NREP: variants seen among roughly 807,000 people sequenced by gnomAD.
NREP encodes the protein neuronal regeneration-related protein.
A neutral mutation model predicts 8.6 loss-of-function variants in NREP; 5 were observed. That is an observed-to-expected ratio of 0.58 (90% CI 0.30 to 1.22). The LOEUF is 1.22. NREP is among the 50% of genes most tolerant of loss of function. The pLI, the probability that NREP is intolerant of heterozygous loss-of-function variation, is 0.07. For missense variants in NREP, 86 were observed against 82.5 expected, an observed-to-expected ratio of 1.04 and a Z score of -0.17; for synonymous variants, 27 against 28.0, an observed-to-expected ratio of 0.96 and a Z score of 0.11.
At chr5:111,745,671 A>C (rs1056936408) in intron 2 of NREP, among the ~76,000 whole-genome samples, 1 of 152,200 alleles carries the variant, frequency 6.6e-6, no homozygotes. Context: ...ATTTAAAAAC[A>C]AACTGCTTAG....
At chr5:111,903,285 G>A (rs1017580586) in intron 2 of NREP, among the ~76,000 whole-genome samples, 5 of 151,552 alleles carry the variant, frequency 3.3e-5, no homozygotes, top group Non-Finnish European at 7.4e-5. Flanking sequence ...GGGTTTCACC[G>A]TATTGGTCAG....
intron 2 of NREP, among the ~76,000 whole-genome samples, chr5:111,896,707 A>G (rs1325028344): frequency 1.3e-5 from 2 of 152,166 alleles, no homozygotes; most frequent in Admixed American, 1.3e-4. Flanking sequence ...TTTACTCTCA[A>G]TTAACAATTA....
intron 2 of NREP, among the ~76,000 whole-genome samples, chr5:111,935,995 T>C (rs560157632): frequency 6.6e-6 from 1 of 152,202 alleles, no homozygotes; most frequent in South Asian, 2.1e-4. Flanking sequence ...TCTTCCTAGC[T>C]TCTTATGGTT....
At chr5:111,797,458 C>T (rs562765602) in intron 2 of NREP, among the ~76,000 whole-genome samples, 7 of 152,260 alleles carry the variant, frequency 4.6e-5, no homozygotes, top group African/African-American at 1.7e-4. Flanking sequence ...AGAGCACAGA[C>T]CTTACAAGTA....
chr5:111,827,584 T>C (rs1752658411), intron 2 of NREP, among the ~76,000 whole-genome samples: 1 of 152,060 alleles, frequency 6.6e-6, no homozygotes, highest in Non-Finnish European at 1.5e-5. Context: ...GGTGTGGGGG[T>C]TCACACCTGC....
chr5:111,880,883 T>A (rs562908636), intron 2 of NREP, among the ~76,000 whole-genome samples: 1 of 152,038 alleles, frequency 6.6e-6, no homozygotes, highest in East Asian at 1.9e-4. Flanking sequence ...GTTCTACAGC[T>A]CCCAGCGTGA....
At chr5:111,792,537 A>C (rs2112894693) in intron 2 of NREP, among the ~76,000 whole-genome samples, 1 of 152,358 alleles carries the variant, frequency 6.6e-6, no homozygotes, top group East Asian at 1.9e-4. Context: ...AACAAGCCAA[A>C]TAACAACTAG....
chr5:111,970,914 T>C (rs1756798646), intron 2 of NREP, among the ~76,000 whole-genome samples: 1 of 151,982 alleles, frequency 6.6e-6, no homozygotes, highest in Admixed American at 6.6e-5. Flanking sequence ...GCCTTTCCTT[T>C]CTCTTGCGAC....
At chr5:111,950,670 T>C (rs1010941398) in intron 2 of NREP, among the ~76,000 whole-genome samples, 8 of 149,410 alleles carry the variant, frequency 5.4e-5, no homozygotes, top group African/African-American at 2.0e-4. Context: ...TAATATCCAG[T>C]ATCTCCAGGG....
At chr5:111,783,199 T>C (rs758884124) in intron 2 of NREP, among the ~76,000 whole-genome samples, 3 of 152,206 alleles carry the variant, frequency 2.0e-5, no homozygotes, top group Non-Finnish European at 4.4e-5. Context: ...AAAATCCCTA[T>C]GCAGATTCTT....
chr5:111,771,179 T>A (rs1271314230), intron 2 of NREP, among the ~76,000 whole-genome samples: 1 of 152,048 alleles, frequency 6.6e-6, no homozygotes, highest in African/African-American at 2.4e-5. Context: ...GACACATGAA[T>A]GATGGAAGGG....
At chr5:111,819,774 C>G (rs2112923094) in intron 2 of NREP, among the ~76,000 whole-genome samples, 1 of 152,262 alleles carries the variant, frequency 6.6e-6, no homozygotes, top group South Asian at 2.1e-4. Flanking sequence ...TATCTCAAGC[C>G]TGAATGAAGC....
intron 2 of NREP, among the ~76,000 whole-genome samples, chr5:111,972,044 A>C (rs2112673242): frequency 6.6e-6 from 1 of 152,308 alleles, no homozygotes; most frequent in South Asian, 2.1e-4. Flanking sequence ...AACAGCAAGA[A>C]AACAAATAAC....
At chr5:111,877,010 A>G (rs1177257195) in intron 2 of NREP, among the ~76,000 whole-genome samples, 1 of 152,178 alleles carries the variant, frequency 6.6e-6, no homozygotes, top group Non-Finnish European at 1.5e-5. Context: ...ATAAAATAAT[A>G]ACATATTTTG....
At chr5:111,880,299 G>A (rs1754020355) in intron 2 of NREP, among the ~76,000 whole-genome samples, 1 of 152,268 alleles carries the variant, frequency 6.6e-6, no homozygotes, top group Non-Finnish European at 1.5e-5. Flanking sequence ...GTCTAAGTGG[G>A]TAGAATAAGT....
Position 111,809,556 on chromosome 5 carries a change from T to G in NREP, c.136-74049A>C, listed in dbSNP as rs544260288. ...CTGGATTAGTTCTTGTGAGAATGGA[T>G]CAGTTTCTGTGAGAGTGGATTCTTA... On this transcript the variant is annotated intron_variant, in intron 2 of 3. Coordinates refer to the NREP transcript ENST00000395634. Among the ~76,000 whole-genome samples, 24 of 152,210 alleles carry G rather than the reference T, an allele frequency of 1.6e-4. No individual in the cohort carries two copies. In the South Asian group the frequency reaches 5.0e-3, roughly 32 times the overall value.
At chr5:111,757,933 G>A, upstream of NREP, 2 of 985,556 alleles carry the variant, frequency 2.0e-6, no homozygotes, top group South Asian at 9.4e-5. Context: ...GGCCCGTACT[G>A]TAATAATAAA....
At chr5:111,861,404 G>T (rs553645315) in intron 2 of NREP, among the ~76,000 whole-genome samples, 1 of 152,150 alleles carries the variant, frequency 6.6e-6, no homozygotes, top group African/African-American at 2.4e-5. Flanking sequence ...AAGAGAAGCT[G>T]ATGCCATCCA....
intron 2 of NREP, among the ~76,000 whole-genome samples, chr5:111,884,496 C>A (rs1036704129): frequency 6.6e-6 from 1 of 152,094 alleles, no homozygotes; most frequent in African/African-American, 2.4e-5. Flanking sequence ...CATCCTGATA[C>A]CAAAGCCAGG....
Sources: gnomAD v4.1 joint callset for allele counts (sites outside exome capture counted in the v4.1 genomes callset) on GRCh38, gnomAD v4.1.1 for gene constraint, MANE v1.5 for transcripts, NCBI Gene and HGNC (gene_info 2026-07-23, HGNC 2026-07-21) for gene names.